HTR2C: variants seen among roughly 807,000 people sequenced by gnomAD.
HTR2C encodes the protein 5-hydroxytryptamine (serotonin) receptor 2C, G protein-coupled.
Under a neutral mutation model 21.0 loss-of-function variants are expected in HTR2C, and 5 were observed. The observed-to-expected ratio is 0.24, with a 90% CI of 0.12 to 0.50. HTR2C has a LOEUF of 0.50. Among genes scored for constraint, HTR2C ranks in the 20% least tolerant of loss-of-function variants. The pLI is 0.98. For missense variants in HTR2C, 271 were observed against 371.2 expected, an observed-to-expected ratio of 0.73 and a Z score of 2.22; for synonymous variants, 150 against 145.3, an observed-to-expected ratio of 1.03 and a Z score of -0.23.
chrX:114,829,314 T>A (rs782002857), intron 4 of HTR2C, among the ~76,000 whole-genome samples: 5 of 111,642 alleles, frequency 4.5e-5, no homozygotes, highest in African/African-American at 1.6e-4. Flanking sequence ...TAATGACTAA[T>A]GATGCTGAGC....
chrX:114,664,396 T>C (rs1329752328), intron 2 of HTR2C, among the ~76,000 whole-genome samples: 2 of 111,453 alleles, frequency 1.8e-5, no homozygotes, highest in African/African-American at 6.5e-5. Context: ...CAGACTCCAG[T>C]GTGTGTTGTT....
intron 2 of HTR2C, chrX:114,651,564 A>C (rs782490926): frequency 8.0e-6 from 1 of 125,469 alleles, no homozygotes; most frequent in Non-Finnish European, 1.9e-5. Flanking sequence ...TGCTCATTGC[A>C]TGGGCTGTGT....
At chrX:114,676,120 T>G (rs1931553230) in intron 2 of HTR2C, among the ~76,000 whole-genome samples, 1 of 111,328 alleles carries the variant, frequency 9.0e-6, no homozygotes, top group African/African-American at 3.3e-5. Flanking sequence ...TCCACCCACC[T>G]TGGCCTCCCA....
At chrX:114,677,738 GGAT>G (rs1931608219) in intron 2 of HTR2C, among the ~76,000 whole-genome samples, 3 of 111,560 alleles carry the variant, frequency 2.7e-5, no homozygotes, top group African/African-American at 9.8e-5. Context: ...AAGGAGGAAA[GGAT>G]GATAATTACA....
chrX:114,742,727 A>ATTT (rs1199987469), intron 4 of HTR2C, among the ~76,000 whole-genome samples: 8 of 71,320 alleles, frequency 1.1e-4, no homozygotes, highest in East Asian at 5.6e-4. Flanking sequence ...TTTTTTTTTA[A>ATTT]TTTTTTTTTT....
chrX:114,603,315 G>A (rs1214453480), intron 1 of HTR2C, among the ~76,000 whole-genome samples: 1 of 110,853 alleles, frequency 9.0e-6, no homozygotes, highest in Non-Finnish European at 1.9e-5. Context: ...GAGAACTGTA[G>A]AGAGAGATTT....
At chrX:114,859,856 T>C (rs1471211307) in intron 5 of HTR2C, among the ~76,000 whole-genome samples, 7 of 111,910 alleles carry the variant, frequency 6.3e-5, no homozygotes, top group African/African-American at 2.3e-4. Flanking sequence ...TAGCTGTATC[T>C]CATAACTGTT....
intron 4 of HTR2C, among the ~76,000 whole-genome samples, chrX:114,782,376 T>C (rs1449545548): frequency 9.0e-6 from 1 of 111,263 alleles, no homozygotes; most frequent in Middle Eastern, 4.3e-3. Flanking sequence ...AAGTAAATGA[T>C]GAATGTGTGA....
At chrX:114,834,376 T>C (rs1356000097) in intron 4 of HTR2C, among the ~76,000 whole-genome samples, 2 of 104,881 alleles carry the variant, frequency 1.9e-5, no homozygotes, top group African/African-American at 6.9e-5. Context: ...TTTATGAATC[T>C]GGGTGCTCCT....
At chrX:114,806,988 A>C (rs1448071144) in intron 4 of HTR2C, among the ~76,000 whole-genome samples, 1 of 95,876 alleles carries the variant, frequency 1.0e-5, no homozygotes, top group Admixed American at 1.2e-4. Context: ...TATATATACC[A>C]CATATATATA....
At chrX:114,667,847 G>A (rs1453704869) in intron 2 of HTR2C, among the ~76,000 whole-genome samples, 1 of 111,657 alleles carries the variant, frequency 9.0e-6, no homozygotes, top group Non-Finnish European at 1.9e-5. Flanking sequence ...TTTACTGAAA[G>A]GCAATGATAT....
At chrX:114,806,682 C>T (rs1233822412) in intron 4 of HTR2C, among the ~76,000 whole-genome samples, 2 of 96,456 alleles carry the variant, frequency 2.1e-5, no homozygotes, top group East Asian at 3.4e-4. Flanking sequence ...TATATATACA[C>T]CACATATATA....
chrX:114,610,451 T>C (rs1185246866), intron 1 of HTR2C, among the ~76,000 whole-genome samples: 3 of 112,136 alleles, frequency 2.7e-5, no homozygotes, highest in African/African-American at 9.7e-5. Flanking sequence ...ATAGCAATAA[T>C]TTTTGTAGGA....
intron 4 of HTR2C, among the ~76,000 whole-genome samples, chrX:114,745,212 C>G (rs782395339): frequency 8.9e-6 from 1 of 112,338 alleles, no homozygotes; most frequent in African/African-American, 3.2e-5. Flanking sequence ...CATCACTGAT[C>G]ATCAGAGACA....
intron 4 of HTR2C, chrX:114,775,839 C>T (rs1409436219): frequency 2.6e-6 from 1 of 385,486 alleles, no homozygotes; most frequent in East Asian, 4.6e-5. Context: ...TATACAGGGC[C>T]AAGGGTGCCA....
intron 4 of HTR2C, among the ~76,000 whole-genome samples, chrX:114,782,386 A>C (rs2070128924): frequency 9.0e-6 from 1 of 111,679 alleles, no homozygotes; most frequent in Non-Finnish European, 1.9e-5. Context: ...TGAATGTGTG[A>C]ATAATTCTAA....
intron 2 of HTR2C, among the ~76,000 whole-genome samples, chrX:114,626,993 A>G (rs1336347252): frequency 8.9e-6 from 1 of 111,929 alleles, no homozygotes; most frequent in African/African-American, 3.2e-5. Flanking sequence ...ATCATGGCCT[A>G]CAGAACATAA....
chrX:114,685,873 T>C (rs186569726), intron 2 of HTR2C, among the ~76,000 whole-genome samples: 1 of 112,137 alleles, frequency 8.9e-6, no homozygotes, highest in East Asian at 2.8e-4. Context: ...GTAGTGGTAG[T>C]GATTTTGCTA....
At chrX:114,900,931 G>C (rs189782049) in intron 5 of HTR2C, among the ~76,000 whole-genome samples, 154 of 111,927 alleles carry the variant, frequency 1.4e-3, no homozygotes, top group African/African-American at 4.7e-3. Flanking sequence ...CCCTTTGTTC[G>C]TAATGACATA....
Sources: allele counts gnomAD v4.1 joint callset (sites outside exome capture counted in the v4.1 genomes callset), GRCh38; gene constraint gnomAD v4.1.1; transcripts MANE v1.5; gene names NCBI Gene and HGNC (gene_info 2026-07-23, HGNC 2026-07-21).